Variants in TPH2 observed in about 807,000 individuals in gnomAD.
TPH2 encodes tryptophan hydroxylase 2, also known as tryptophan 5-hydroxylase 2.
TPH2 carries 27 observed loss-of-function variants against 59.1 expected under a neutral mutation model. That is an observed-to-expected ratio of 0.46 (90% CI 0.34 to 0.63). The LOEUF (loss-of-function observed/expected upper bound fraction) is 0.63, where lower values mean the gene tolerates loss of function less well. Ranked by LOEUF, TPH2 falls within the 30% of genes least tolerant of loss-of-function variation. The pLI is 0.01. For missense variants in TPH2, 523 were observed against 588.3 expected (o/e 0.89, Z 1.15); for synonymous variants, 220 against 210.5 (o/e 1.05, Z -0.39).
intron 8 of TPH2, among the ~76,000 whole-genome samples, chr12:72,007,366 A>C (rs1872981780): frequency 6.6e-6 from 1 of 152,170 alleles, no homozygotes; most frequent in Non-Finnish European, 1.5e-5. Flanking sequence ...AAACTTGTTA[A>C]GCAGATTAGG....
chr12:71,976,228 A>G (rs115147841), intron 6 of TPH2, among the ~76,000 whole-genome samples: 1,704 of 152,312 alleles, frequency 0.011, 27 homozygotes, highest in African/African-American at 0.038. Flanking sequence ...GATATACCTT[A>G]AAGGCCTAAT....
chr12:71,961,552 G>T (rs1271406477), intron 5 of TPH2: 9 of 1,351,470 alleles, frequency 6.7e-6, no homozygotes, highest in Middle Eastern at 4.2e-4. Flanking sequence ...CTTCATTCTA[G>T]TGGCCCAAGA....
rs184025029 is a variant in TPH2 at position 71,976,490 on chromosome 12, T to G, written c.806-2462T>G. On this transcript the variant is annotated intron_variant, in intron 6 of 10. Coordinates refer to ENST00000333850, the MANE Select transcript of TPH2 (RefSeq NM_173353.4). ...GTTCTTGATGTCATGGTTTTATATT[T>G]TTTCTAATTCACATAAAAATAAAAT... is the stretch of plus-strand genomic sequence containing the variant. 1.7e-3 allele frequency among the ~76,000 whole-genome samples: 260 copies of G among 152,320 alleles called. 2 individuals carry two copies. Among genetic ancestry groups the G allele is most frequent in the African/African-American group, 6.2e-3 (256 of 41,562 alleles).
chr12:72,023,155 ATT>A (rs1383909924), intron 9 of TPH2, among the ~76,000 whole-genome samples: 2 of 152,164 alleles, frequency 1.3e-5, no homozygotes, highest in African/African-American at 2.4e-5. Flanking sequence ...TCTTTTAAGA[ATT>A]GCCATTTATA....
intron 6 of TPH2, 25 bp from the exon 7 acceptor site, chr12:71,978,927 T>A (rs369685208): frequency 6.2e-7 from 1 of 1,614,016 alleles, no homozygotes; most frequent in Non-Finnish European, 8.5e-7. Context: ...TAATATTTAG[T>A]TGGCTTTTTC....
chr12:71,962,141 C>G (rs1413092428), intron 5 of TPH2: 1 of 989,774 alleles, frequency 1.0e-6, no homozygotes, highest in Non-Finnish European at 1.2e-6. Flanking sequence ...GGCTCCTAAC[C>G]TCCTCTACAG....
rs184474879 is a variant in TPH2 at position 71,999,385 on chromosome 12, G to T, written c.1068+4820G>T. 1.9e-3 allele frequency among the ~76,000 whole-genome samples: 295 copies of T among 152,276 alleles called. 2 individuals are homozygous for T. The highest frequency in any genetic ancestry group is 6.8e-3 in the African/African-American group (283 of 41,564). ...GCATTGTTATACATGTAAATAATTT[G>T]CCCTCTGGTGGATAATAAATAAGAC... On this transcript the variant is annotated intron_variant, in intron 8 of 10. Coordinates refer to ENST00000333850, the MANE Select transcript of TPH2 (RefSeq NM_173353.4).
intron 5 of TPH2, among the ~76,000 whole-genome samples, chr12:71,969,142 G>T (rs1566129728): frequency 6.6e-6 from 1 of 152,122 alleles, no homozygotes; most frequent in Non-Finnish European, 1.5e-5. Context: ...AATTAGCCGG[G>T]CGTGGTGGCG....
At chr12:72,004,938 A>G (rs1408247149) in intron 8 of TPH2, among the ~76,000 whole-genome samples, 1 of 152,220 alleles carries the variant, frequency 6.6e-6, no homozygotes, top group Admixed American at 6.5e-5. Flanking sequence ...AGCCACCACA[A>G]TGAATGGTAT....
chr12:71,974,391 C>T (rs1566133909), intron 6 of TPH2, among the ~76,000 whole-genome samples: 1 of 152,190 alleles, frequency 6.6e-6, no homozygotes, highest in African/African-American at 2.4e-5. Flanking sequence ...CTGGTGGCTT[C>T]TGTGCCCTGG....
chr12:71,949,490 T>A (rs1238162494), intron 4 of TPH2, 98 bp from the exon 5 acceptor site: 1 of 973,308 alleles, frequency 1.0e-6, no homozygotes, highest in South Asian at 1.3e-5. Context: ...GATTTACATA[T>A]GAATTGAACA....
At chr12:71,951,073 T>C (rs1871332201) in intron 5 of TPH2, among the ~76,000 whole-genome samples, 1 of 152,142 alleles carries the variant, frequency 6.6e-6, no homozygotes, top group African/African-American at 2.4e-5. Flanking sequence ...CTTTCCCCTC[T>C]CTACTGTGAC....
At chr12:71,943,082 C>A (rs1871117326) in intron 2 of TPH2, among the ~76,000 whole-genome samples, 1 of 152,134 alleles carries the variant, frequency 6.6e-6, no homozygotes, top group Non-Finnish European at 1.5e-5. Flanking sequence ...CAACGTGACA[C>A]AATGTATGTG....
intron 6 of TPH2, among the ~76,000 whole-genome samples, chr12:71,976,252 A>G (rs1364691881): frequency 1.3e-5 from 2 of 152,238 alleles, no homozygotes; most frequent in Non-Finnish European, 1.5e-5. Flanking sequence ...CCTAACACAC[A>G]TTAAGCATAG....
chr12:71,969,074 G>T (rs1419086890), intron 5 of TPH2, among the ~76,000 whole-genome samples: 2 of 152,200 alleles, frequency 1.3e-5, no homozygotes, highest in African/African-American at 2.4e-5. Flanking sequence ...ACGAGGTCAG[G>T]AGATCGAGAT....
At chr12:71,948,869 T>C (rs1280327449) in intron 4 of TPH2, among the ~76,000 whole-genome samples, 1 of 151,918 alleles carries the variant, frequency 6.6e-6, no homozygotes, top group South Asian at 2.1e-4. Context: ...GATTTTTGGG[T>C]AAACCAAGAA....
intron 1 of TPH2, among the ~76,000 whole-genome samples, chr12:71,940,189 T>C (rs1219025063): frequency 2.0e-5 from 3 of 152,192 alleles, no homozygotes; most frequent in Admixed American, 6.5e-5. Flanking sequence ...TAATGGTTAA[T>C]GTATGACCCT....
chr12:72,024,602 G>A (rs115023125), intron 9 of TPH2, among the ~76,000 whole-genome samples: 2,913 of 152,282 alleles, frequency 0.019, 101 homozygotes, highest in African/African-American at 0.067. Flanking sequence ...AAATGATGTA[G>A]CTCTTGAGCT....
At chr12:71,999,494 C>T (rs1872770617) in intron 8 of TPH2, among the ~76,000 whole-genome samples, 1 of 152,146 alleles carries the variant, frequency 6.6e-6, no homozygotes, top group African/African-American at 2.4e-5. Flanking sequence ...AAAATATTCC[C>T]AATAAAGACT....
Sources: gnomAD v4.1 joint callset for allele counts (sites outside exome capture counted in the v4.1 genomes callset) on GRCh38, gnomAD v4.1.1 for gene constraint, MANE v1.5 for transcripts, NCBI Gene and HGNC (gene_info 2026-07-23, HGNC 2026-07-21) for gene names.